Variants in ADAMTS12 observed in about 807,000 individuals in gnomAD.
The protein encoded by ADAMTS12 is ADAM metallopeptidase with thrombospondin type 1 motif 12, also known as A disintegrin and metalloproteinase with thrombospondin motifs 12.
Under a neutral mutation model 167.8 loss-of-function variants are expected in ADAMTS12, and 118 were observed. The observed-to-expected ratio is 0.70, with a 90% CI of 0.61 to 0.82. The LOEUF (loss-of-function observed/expected upper bound fraction) is 0.82. Among genes scored for constraint, ADAMTS12 ranks in the 40% least tolerant of loss-of-function variants. The pLI is 0.00. For missense variants in ADAMTS12, 1,916 were observed against 1,998.8 expected, an observed-to-expected ratio of 0.96 and a Z score of 0.79; for synonymous variants, 704 against 716.9, an observed-to-expected ratio of 0.98 and a Z score of 0.29.
At chr5:33,545,614 A>G (rs1358697083) in intron 22 of ADAMTS12, among the ~76,000 whole-genome samples, 1 of 152,230 alleles carries the variant, frequency 6.6e-6, no homozygotes, top group Non-Finnish European at 1.5e-5. Flanking sequence ...AGCAACCCAA[A>G]TGTCCAGCAA....
chr5:33,636,029 G>A (rs1162114902), intron 12 of ADAMTS12, among the ~76,000 whole-genome samples: 1 of 152,164 alleles, frequency 6.6e-6, no homozygotes, highest in Non-Finnish European at 1.5e-5. Flanking sequence ...CTTGTATAAC[G>A]CTCACTTCTT....
At chr5:33,793,995 C>A (rs951763793) in intron 2 of ADAMTS12, among the ~76,000 whole-genome samples, 1 of 152,190 alleles carries the variant, frequency 6.6e-6, no homozygotes, top group South Asian at 2.1e-4. Context: ...TCCTCCTCCC[C>A]GTGGAGTTTA....
chr5:33,566,417 TCAAAC>T (rs1308312418), intron 19 of ADAMTS12, among the ~76,000 whole-genome samples: 2 of 152,162 alleles, frequency 1.3e-5, no homozygotes, highest in African/African-American at 4.8e-5. Context: ...TGAGCTATCA[TCAAAC>T]CACTGCACTC....
chr5:33,865,520 G>A lies in ADAMTS12; in HGVS notation c.489+15599C>T, dbSNP rs1029115746. Among the ~76,000 whole-genome samples the A allele has an allele frequency of 3.9e-5, 6 of 152,084 alleles. No individual in the cohort carries two copies. The East Asian group carries it at 1.2e-3, about 29-fold the overall frequency. ...ACCCACAGTCAATATCATACTGAAGGGGGGGAAGTTTAAAGCATTGCCTCT... is the reference window on the plus strand; with the variant it reads ...ACCCACAGTCAATATCATACTGAAGAGGGGGAAGTTTAAAGCATTGCCTCT... On this transcript the variant is annotated intron_variant, in intron 2 of 23. Coordinates refer to ENST00000504830, the MANE Select transcript of ADAMTS12 (RefSeq NM_030955.4).
chr5:33,536,275 A>G (rs1189967552), intron 22 of ADAMTS12, among the ~76,000 whole-genome samples: 1 of 152,178 alleles, frequency 6.6e-6, no homozygotes, highest in Non-Finnish European at 1.5e-5. Context: ...AGCTGGGACT[A>G]CAGGCGTGTG....
At chr5:33,614,155 A>G (rs1738867620) in intron 16 of ADAMTS12, 83 bp downstream of exon 16, 3 of 1,525,948 alleles carry the variant, frequency 2.0e-6, no homozygotes, top group African/African-American at 2.7e-5. Flanking sequence ...GGCAGAGAGC[A>G]CAAAGCAAAT....
intron 2 of ADAMTS12, among the ~76,000 whole-genome samples, chr5:33,867,488 A>T (rs34593012): frequency 0.023 from 3,538 of 151,882 alleles, 62 homozygotes; most frequent in Non-Finnish European, 0.028. Flanking sequence ...GATGAGTGAT[A>T]AAAAAAACCA....
intron 14 of ADAMTS12, among the ~76,000 whole-genome samples, chr5:33,619,063 C>G (rs1382291575): frequency 6.6e-6 from 1 of 152,130 alleles, no homozygotes; most frequent in Non-Finnish European, 1.5e-5. Context: ...ACTTTGATGC[C>G]TTTGGTGCTG....
intron 3 of ADAMTS12, among the ~76,000 whole-genome samples, chr5:33,710,790 C>T (rs1458618362): frequency 6.6e-6 from 1 of 152,026 alleles, no homozygotes; most frequent in Non-Finnish European, 1.5e-5. Flanking sequence ...ACCTCAGTGA[C>T]GAAAAGCCTA....
At chr5:33,614,133 T>C in intron 16 of ADAMTS12, 105 bp downstream of exon 16, 1 of 1,440,024 alleles carries the variant, frequency 6.9e-7, no homozygotes, top group South Asian at 1.4e-5. Context: ...AGTGGAGCCC[T>C]GCAGATCCAT....
intron 18 of ADAMTS12, among the ~76,000 whole-genome samples, chr5:33,588,038 T>A (rs1048202388): frequency 6.6e-6 from 1 of 152,178 alleles, no homozygotes; most frequent in Non-Finnish European, 1.5e-5. Context: ...GATTTCCAAT[T>A]ATAGTCAGAT....
At chr5:33,772,737 T>A (rs563153626) in intron 2 of ADAMTS12, among the ~76,000 whole-genome samples, 9 of 152,284 alleles carry the variant, frequency 5.9e-5, no homozygotes, top group African/African-American at 2.2e-4. Context: ...ACTGAGCTAA[T>A]CCTGGATGAG....
At chr5:33,816,438 C>G (rs34511729) in intron 2 of ADAMTS12, among the ~76,000 whole-genome samples, 61,475 of 151,952 alleles carry the variant, frequency 0.4, 12,952 homozygotes, top group Non-Finnish European at 0.47. Flanking sequence ...TTCCTCCTGT[C>G]TGAGATTTTG....
chr5:33,882,079 T>C (rs1750469094), intron 1 of ADAMTS12, among the ~76,000 whole-genome samples: 1 of 152,100 alleles, frequency 6.6e-6, no homozygotes, highest in South Asian at 2.1e-4. Context: ...AGGGGCAAGA[T>C]CTGAATGAGG....
intron 22 of ADAMTS12, 123 bp from the exon 23 acceptor site, chr5:33,535,115 T>C: frequency 1.0e-6 from 1 of 984,994 alleles, no homozygotes; most frequent in Non-Finnish European, 1.4e-6. Flanking sequence ...AGAAACCTTT[T>C]TGGAGGAGTC....
chr5:33,544,982 A>G (rs1744899897), intron 22 of ADAMTS12, among the ~76,000 whole-genome samples: 1 of 152,260 alleles, frequency 6.6e-6, no homozygotes, highest in Non-Finnish European at 1.5e-5. Context: ...ACCAAAAGCA[A>G]TGGCAACAAA....
chr5:33,858,657 C>CAAAAAA (rs35005089), intron 2 of ADAMTS12, among the ~76,000 whole-genome samples: 1 of 80,974 alleles, frequency 1.2e-5, no homozygotes. Flanking sequence ...GACATCATCT[C>CAAAAAA]AAAAAAAAAA....
chr5:33,586,756 C>T (rs898320543), intron 18 of ADAMTS12, among the ~76,000 whole-genome samples: 1 of 152,162 alleles, frequency 6.6e-6, no homozygotes, highest in African/African-American at 2.4e-5. Context: ...CTTATTTTGA[C>T]AACACTGTAA....
At chr5:33,621,058 G>T (rs1251907112) in intron 14 of ADAMTS12, among the ~76,000 whole-genome samples, 1 of 152,012 alleles carries the variant, frequency 6.6e-6, no homozygotes. Flanking sequence ...GAAGTCTCTG[G>T]GTCCAAGGAG....
Sources: allele counts gnomAD v4.1 joint callset (sites outside exome capture counted in the v4.1 genomes callset), GRCh38; gene constraint gnomAD v4.1.1; transcripts MANE v1.5; gene names NCBI Gene and HGNC (gene_info 2026-07-23, HGNC 2026-07-21).